NARS2: variants seen among roughly 807,000 people sequenced by gnomAD.
NARS2 encodes asparaginyl-tRNA synthetase.
In NARS2, 60 loss-of-function variants were observed where a neutral mutation model predicts 62.9. The observed-to-expected ratio is 0.95, with a 90% CI of 0.77 to 1.18. The LOEUF is 1.18. Ranked by LOEUF, NARS2 falls within the 50% of genes most tolerant of loss-of-function variation. The probability of loss-of-function intolerance (pLI) is 0.00; values close to 1 mark genes in which losing one functional copy is unlikely to be tolerated. For synonymous variants in NARS2, 196 were observed against 200.0 expected (o/e 0.98, Z 0.17); for missense variants, 619 against 576.4 (o/e 1.07, Z -0.76).
Position 78,478,656 on chromosome 11 carries a change from T to C in NARS2, c.850A>G (p.Thr284Ala), listed in dbSNP as rs376705196. 1.2e-6 allele frequency: 2 copies of C among 1,611,678 alleles called. No individual in the cohort carries two copies. The highest frequency in any genetic ancestry group is 2.2e-5 in the East Asian group (1 of 44,752). The change falls in exon 8 of 14, where the codon ACA (threonine) becomes GCA (alanine). Residue 284 changes from threonine (T) to alanine (A), a missense_variant. Transcript: ENST00000281038. ...GGACATTTTGAGAGAACCATCATTG[T>C]TGTAGCCTTGAACAGTTCCTCTATA... ...QVIEELFKAT[T>A]MMVLSKCPED... is the part of the protein sequence containing the mutation.
intron 6 of NARS2, among the ~76,000 whole-genome samples, chr11:78,501,447 C>T (rs1191805109): frequency 6.6e-6 from 1 of 152,162 alleles, no homozygotes; most frequent in Non-Finnish European, 1.5e-5. Context: ...CAGAGATATC[C>T]AGACCATATG....
intron 6 of NARS2, among the ~76,000 whole-genome samples, chr11:78,510,084 A>G (rs1329342330): frequency 1.3e-5 from 2 of 152,222 alleles, no homozygotes; most frequent in Non-Finnish European, 2.9e-5. Flanking sequence ...AAAAAGCTAT[A>G]AAGTATATAG....
intron 7 of NARS2, among the ~76,000 whole-genome samples, chr11:78,489,968 G>A (rs766421430): frequency 6.6e-6 from 1 of 152,112 alleles, no homozygotes; most frequent in Non-Finnish European, 1.5e-5. Context: ...AGCCCCAGGA[G>A]TTCATGGCTG....
chr11:78,461,602 TA>T (rs59664343), intron 11 of NARS2, among the ~76,000 whole-genome samples: 704 of 64,064 alleles, frequency 0.011, 2 homozygotes, highest in African/African-American at 0.014. Flanking sequence ...GCTGTGCTGG[TA>T]AAAAAAAAAA....
At chr11:78,541,120 A>G (rs1198990590) in intron 5 of NARS2, among the ~76,000 whole-genome samples, 5 of 152,152 alleles carry the variant, frequency 3.3e-5, no homozygotes, top group Admixed American at 1.3e-4. Context: ...AACTAGTACT[A>G]TTGTACTCCA....
At position 78,525,058 on chromosome 11, in the gene NARS2, T is replaced by C. The variant is rs548757343; in HGVS notation, c.689+3784A>G. ...GCCAATCTAAAAGGGCTCTATGGTG[T>C]ATGATTCCAACTACGTGACATTCTG... On this transcript the variant is annotated intron_variant, in intron 6 of 13. Coordinates refer to ENST00000281038, the MANE Select transcript of NARS2 (RefSeq NM_024678.6). 2.0e-5 allele frequency among the ~76,000 whole-genome samples: 3 copies of C among 152,266 alleles called. No homozygotes were observed. The South Asian group carries it at 6.2e-4, about 32-fold the overall frequency.
intron 11 of NARS2, among the ~76,000 whole-genome samples, chr11:78,458,683 C>G (rs1261307569): frequency 1.3e-5 from 2 of 152,198 alleles, no homozygotes; most frequent in African/African-American, 2.4e-5. Context: ...ATTCATCCAT[C>G]CACCACACGG....
At chr11:78,468,310 G>GGAAAAAAAAAA (rs1555015326) in intron 10 of NARS2, among the ~76,000 whole-genome samples, 10 of 67,426 alleles carry the variant, frequency 1.5e-4, no homozygotes, top group Middle Eastern at 7.7e-3. Flanking sequence ...CACTAAATCT[G>GGAAAAAAAAAA]AAAAAAAAAA....
Position 78,441,087 on chromosome 11 carries a change from T to C in NARS2, c.1289+4A>G. 1 of 1,612,140 alleles carries C rather than the reference T, an allele frequency of 6.2e-7. No homozygotes were observed. The highest frequency in any genetic ancestry group is 8.5e-7 in the Non-Finnish European group (1 of 1,179,160). ...GTAAGAATTATTAGGGGCCACATTC[T>C]TACCATTGGTAGACTTCTGTAAGTC... On this transcript the variant is annotated splice_donor_region_variant and intron_variant, in intron 13 of 13. Coordinates refer to ENST00000281038, the MANE Select transcript of NARS2 (RefSeq NM_024678.6).
At chr11:78,544,481 C>T (rs919455503) in intron 5 of NARS2, among the ~76,000 whole-genome samples, 11 of 152,184 alleles carry the variant, frequency 7.2e-5, no homozygotes, top group Non-Finnish European at 1.6e-4. Context: ...CTAATACTTT[C>T]ATGCGGAACT....
intron 12 of NARS2, among the ~76,000 whole-genome samples, chr11:78,443,323 T>C (rs1178208373): frequency 5.6e-5 from 7 of 124,890 alleles, no homozygotes; most frequent in Admixed American, 2.5e-4. Flanking sequence ...CAAGACTCCG[T>C]CTCAAAAAAA....
chr11:78,496,074 G>C (rs1021105477), intron 6 of NARS2, among the ~76,000 whole-genome samples: 1 of 152,162 alleles, frequency 6.6e-6, no homozygotes, highest in Admixed American at 6.5e-5. Context: ...GTATCTGAGA[G>C]TTAAATATCA....
intron 4 of NARS2, among the ~76,000 whole-genome samples, chr11:78,563,721 C>T (rs1409557129): frequency 6.9e-6 from 1 of 144,828 alleles, no homozygotes; most frequent in African/African-American, 2.6e-5. Context: ...GTCCTAGCTA[C>T]CTGGGAGGTT....
In NARS2 at chr11:78,503,327, T is replaced by G. The variant is rs143548158; in HGVS notation, c.690-10132A>C. On this transcript the variant is annotated intron_variant, in intron 6 of 13. Transcript: ENST00000281038. ...ATCTTGGCTCACTGCAACCCCCGCC[T>G]CCCAGGTTCAAGCGATTCTCCTGTC... Among the ~76,000 whole-genome samples the G allele has an allele frequency of 9.0e-3, 1,373 of 152,222 alleles. 18 individuals are homozygous for G. The highest frequency in any genetic ancestry group is 0.027 in the Middle Eastern group (8 of 294).
At chr11:78,477,328 A>G (rs763386391) in intron 9 of NARS2, among the ~76,000 whole-genome samples, 3 of 152,096 alleles carry the variant, frequency 2.0e-5, no homozygotes, top group Non-Finnish European at 2.9e-5. Context: ...CAATCTTAAC[A>G]TGTCTGTGTT....
At chr11:78,503,366 T>C (rs1399501263) in intron 6 of NARS2, among the ~76,000 whole-genome samples, 1 of 152,124 alleles carries the variant, frequency 6.6e-6, no homozygotes, top group Non-Finnish European at 1.5e-5. Context: ...GCCTCCCGAA[T>C]AGCAGGGACT....
At chr11:78,455,359 A>G (rs1482292614) in intron 11 of NARS2, among the ~76,000 whole-genome samples, 1 of 152,230 alleles carries the variant, frequency 6.6e-6, no homozygotes, top group Non-Finnish European at 1.5e-5. Context: ...CTGTGATGAT[A>G]CAAGTGTGTA....
intron 4 of NARS2, among the ~76,000 whole-genome samples, chr11:78,562,501 C>A (rs1245293141): frequency 1.3e-5 from 2 of 152,160 alleles, no homozygotes; most frequent in Non-Finnish European, 2.9e-5. Context: ...CAGAGAAGAA[C>A]AATCCCTGAT....
intron 6 of NARS2, among the ~76,000 whole-genome samples, chr11:78,513,763 C>T (rs1245459627): frequency 6.6e-6 from 1 of 152,062 alleles, no homozygotes; most frequent in Non-Finnish European, 1.5e-5. Flanking sequence ...AATCTGATGC[C>T]TCATGATATA....
Sources: allele counts gnomAD v4.1 joint callset (sites outside exome capture counted in the v4.1 genomes callset), GRCh38; gene constraint gnomAD v4.1.1; transcripts MANE v1.5; gene names NCBI Gene and HGNC (gene_info 2026-07-23, HGNC 2026-07-21).